MORC1: variants seen among roughly 807,000 people sequenced by gnomAD.
The protein encoded by MORC1 is MORC family CW-type zinc finger protein 1.
Under a neutral mutation model 134.9 loss-of-function variants are expected in MORC1, and 59 were observed. That is an observed-to-expected ratio of 0.44 (90% CI 0.35 to 0.54). MORC1 has a LOEUF of 0.54. Ranked by LOEUF, MORC1 falls within the 20% of genes least tolerant of loss-of-function variation. The pLI is 0.00. For missense variants in MORC1, 947 were observed against 1,134.5 expected (o/e 0.83, Z 2.37); for synonymous variants, 395 against 391.7 (o/e 1.01, Z -0.10).
At chr3:109,055,972 A>T (rs902742805) in intron 13 of MORC1, among the ~76,000 whole-genome samples, 3 of 152,234 alleles carry the variant, frequency 2.0e-5, no homozygotes, top group African/African-American at 7.2e-5. Flanking sequence ...CTCATGGCTG[A>T]ATGGCATGTT....
intron 2 of MORC1, among the ~76,000 whole-genome samples, chr3:109,111,076 A>AAAAAAAAT (rs1951160121): frequency 6.6e-6 from 1 of 150,826 alleles, no homozygotes; most frequent in Non-Finnish European, 1.5e-5. Context: ...AAACAAAAAA[A>AAAAAAAAT]GCTGGCTGGC....
At chr3:108,982,356 A>T (rs1373889024) in intron 23 of MORC1, among the ~76,000 whole-genome samples, 2 of 152,176 alleles carry the variant, frequency 1.3e-5, no homozygotes, top group African/African-American at 2.4e-5. Context: ...TTCCTCAAGG[A>T]TCTAGAACTA....
At chr3:109,020,576 C>G (rs1275479835) in intron 17 of MORC1, among the ~76,000 whole-genome samples, 1 of 152,058 alleles carries the variant, frequency 6.6e-6, no homozygotes. Context: ...ACCATCCTGG[C>G]TAACACGGTG....
At chr3:109,021,172 T>C (rs1264656167) in intron 17 of MORC1, among the ~76,000 whole-genome samples, 1 of 152,178 alleles carries the variant, frequency 6.6e-6, no homozygotes, top group Non-Finnish European at 1.5e-5. Flanking sequence ...GAACAGGCCC[T>C]GAGGTGTACC....
At chr3:109,071,727 A>G (rs1044844362) in intron 8 of MORC1, among the ~76,000 whole-genome samples, 3 of 152,224 alleles carry the variant, frequency 2.0e-5, no homozygotes, top group Admixed American at 1.3e-4. Context: ...TTAGAGACTT[A>G]GCATCCAAGG....
rs1319666951 is a variant in MORC1, at chr3:109,027,861, T to C, written c.1594A>G (p.Ile532Val). 1.2e-6 allele frequency: 2 copies of C among 1,613,620 alleles called. No homozygotes were observed. Among genetic ancestry groups the C allele is most frequent in the Admixed American group, 3.3e-5 (2 of 59,922 alleles). Residue 532 changes from isoleucine to valine, a missense_variant, in exon 17 of 28, where the codon ATC becomes GTC. By Grantham distance (29) the Ile-to-Val change is conservative. Transcript: ENST00000232603. ...SCHQVECLPSIPLGTMSTISP... is the reference protein window; with the variant it reads ...SCHQVECLPSVPLGTMSTISP... ...ATTGTGCTCATGGTGCCCAGTGGGA[T>C]GGAAGGTAGACATTCTACCTGATGA...
At chr3:108,959,181 T>C in intron 27 of MORC1, 61 bp from the exon 28 acceptor site, 1 of 1,425,734 alleles carries the variant, frequency 7.0e-7, no homozygotes, top group Non-Finnish European at 9.4e-7. Flanking sequence ...TTCCTGTAAT[T>C]TGGGCAGCCT....
chr3:109,093,567 T>G (rs1474107797), intron 7 of MORC1, 26 bp from the exon 8 acceptor site: 1 of 1,482,988 alleles, frequency 6.7e-7, no homozygotes, highest in East Asian at 2.3e-5. Flanking sequence ...ATGTTTGACT[T>G]GTCAGTATTT....
intron 26 of MORC1, among the ~76,000 whole-genome samples, 160 bp from the exon 27 acceptor site, chr3:108,963,768 C>T (rs1453239869): frequency 6.6e-6 from 1 of 152,150 alleles, no homozygotes; most frequent in Non-Finnish European, 1.5e-5. Flanking sequence ...AAGGAACTTA[C>T]ATACACTCTG....
intron 21 of MORC1, among the ~76,000 whole-genome samples, chr3:108,991,193 AATGACATAAT>A (rs752623477): frequency 6.6e-6 from 1 of 152,174 alleles, no homozygotes; most frequent in Non-Finnish European, 1.5e-5. Context: ...TGAGTAGGAG[AATGACATAAT>A]ATGACATATT....
chr3:108,996,360 A>G (rs1438954380), intron 21 of MORC1, among the ~76,000 whole-genome samples: 2 of 152,026 alleles, frequency 1.3e-5, no homozygotes, highest in African/African-American at 4.8e-5. Flanking sequence ...AATAAATATG[A>G]ACCACCCTAG....
intron 8 of MORC1, among the ~76,000 whole-genome samples, chr3:109,080,860 A>T (rs1006351493): frequency 1.3e-5 from 2 of 152,184 alleles, no homozygotes; most frequent in African/African-American, 4.8e-5. Flanking sequence ...GGAAGTGAAA[A>T]ATATATCAAT....
chr3:109,017,579 C>A (rs1269304730), intron 17 of MORC1, among the ~76,000 whole-genome samples: 1 of 152,164 alleles, frequency 6.6e-6, no homozygotes, highest in Non-Finnish European at 1.5e-5. Context: ...AGTTTTGGGG[C>A]TGGCCTATAG....
At chr3:109,115,787 G>A (rs775176377) in intron 1 of MORC1, among the ~76,000 whole-genome samples, 2 of 152,190 alleles carry the variant, frequency 1.3e-5, no homozygotes, top group Non-Finnish European at 2.9e-5. Context: ...GCTCAAGCTG[G>A]TGGGGTACAC....
At chr3:109,114,262 A>G in intron 2 of MORC1, 122 bp downstream of exon 2, 1 of 803,436 alleles carries the variant, frequency 1.2e-6, no homozygotes. Context: ...TTTATAGGAA[A>G]TCAAGTCACA....
At chr3:109,077,982 G>A (rs540039887) in intron 8 of MORC1, among the ~76,000 whole-genome samples, 2 of 152,114 alleles carry the variant, frequency 1.3e-5, no homozygotes, top group African/African-American at 2.4e-5. Context: ...AAAAAGAAAC[G>A]AAGTGGGGGA....
At chr3:108,979,864 AT>A (rs778996560) in intron 23 of MORC1, among the ~76,000 whole-genome samples, 197 bp from the exon 24 acceptor site, 2 of 152,146 alleles carry the variant, frequency 1.3e-5, no homozygotes, top group Admixed American at 6.5e-5. Context: ...CCAGTCACAT[AT>A]TTTTTTCAAA....
chr3:109,096,303 T>C (rs1473278901), intron 6 of MORC1, among the ~76,000 whole-genome samples: 3 of 152,106 alleles, frequency 2.0e-5, no homozygotes, highest in African/African-American at 7.2e-5. Context: ...TGCATGTTCA[T>C]GTTAGGCATT....
chr3:109,002,312 A>G (rs953493480), intron 20 of MORC1, among the ~76,000 whole-genome samples: 1 of 152,158 alleles, frequency 6.6e-6, no homozygotes, highest in Admixed American at 6.5e-5. Context: ...TAGAGAAGAG[A>G]TAAAGCAAGA....
Sources: gnomAD v4.1 joint callset for allele counts (sites outside exome capture counted in the v4.1 genomes callset) on GRCh38, gnomAD v4.1.1 for gene constraint, MANE v1.5 for transcripts, NCBI Gene and HGNC (gene_info 2026-07-23, HGNC 2026-07-21) for gene names.